The following NDUFS4 variants were observed in gnomAD, a reference collection of about 807,000 sequenced individuals.
NDUFS4 encodes NADH:ubiquinone oxidoreductase subunit S4.
NDUFS4 carries 28 observed loss-of-function variants against 24.3 expected under a neutral mutation model. The observed-to-expected ratio is 1.15, with a 90% CI of 0.85 to 1.58. The LOEUF is 1.58. NDUFS4 is among the 40% of genes most tolerant of loss of function. The pLI, the probability that NDUFS4 is intolerant of heterozygous loss-of-function variation, is 0.00. For synonymous variants in NDUFS4, 93 were observed against 69.7 expected, an observed-to-expected ratio of 1.34 and a Z score of -1.67; for missense variants, 223 against 207.9, an observed-to-expected ratio of 1.07 and a Z score of -0.45.
At chr5:53,620,108 C>A (rs1321853743) in intron 2 of NDUFS4, among the ~76,000 whole-genome samples, 1 of 150,912 alleles carries the variant, frequency 6.6e-6, no homozygotes, top group African/African-American at 2.4e-5. Flanking sequence ...ATCGCAAGAC[C>A]CCATCTCAAA....
At chr5:53,579,931 A>C (rs1288549313) in intron 1 of NDUFS4, among the ~76,000 whole-genome samples, 1 of 152,222 alleles carries the variant, frequency 6.6e-6, no homozygotes, top group Admixed American at 6.5e-5. Flanking sequence ...AGAAGAAACA[A>C]GAAACAAATT....
intron 1 of NDUFS4, among the ~76,000 whole-genome samples, chr5:53,577,470 C>G (rs1199694852): frequency 1.0e-5 from 1 of 97,564 alleles, no homozygotes; most frequent in Non-Finnish European, 2.0e-5. Context: ...TAAAGAGTCT[C>G]TATAGTCTGC....
chr5:53,661,287 G>A (rs1752335623), intron 4 of NDUFS4, among the ~76,000 whole-genome samples: 2 of 152,064 alleles, frequency 1.3e-5, no homozygotes, highest in Non-Finnish European at 2.9e-5. Flanking sequence ...TTTTTGTCAG[G>A]TTTGTCAAAG....
rs924065994 is a variant in NDUFS4, at chr5:53,579,841, A to G, written c.98+19081A>G. ...TTATAAGAAGGATGCAGGTGGAGTC[A>G]GAGAAATAGTGTAGAGTTGGAAGCA... On this transcript the variant is annotated intron_variant, in intron 1 of 4. Coordinates refer to ENST00000296684, the MANE Select transcript of NDUFS4 (RefSeq NM_002495.4). 2.6e-5 allele frequency among the ~76,000 whole-genome samples: 4 copies of G among 152,222 alleles called. No homozygotes were observed. The East Asian group carries it at 7.7e-4, about 29-fold the overall frequency.
At chr5:53,681,579 C>G (rs1423234503) in intron 4 of NDUFS4, among the ~76,000 whole-genome samples, 1 of 152,056 alleles carries the variant, frequency 6.6e-6, no homozygotes, top group Non-Finnish European at 1.5e-5. Context: ...TAAGCTATAG[C>G]TTTGTAACTT....
At chr5:53,643,293 AG>A (rs1329837650) in intron 2 of NDUFS4, among the ~76,000 whole-genome samples, 1 of 152,176 alleles carries the variant, frequency 6.6e-6, no homozygotes, top group Non-Finnish European at 1.5e-5. Context: ...CTTTCTCCAA[AG>A]CATTTCTAGC....
intron 1 of NDUFS4, among the ~76,000 whole-genome samples, chr5:53,591,616 A>G (rs76672205): frequency 0.096 from 14,617 of 152,108 alleles, 1,019 homozygotes; most frequent in Admixed American, 0.2. Flanking sequence ...TGCTGATCCT[A>G]TGTTAAAACT....
chr5:53,605,875 G>T (rs778994218), intron 2 of NDUFS4, among the ~76,000 whole-genome samples: 26 of 152,110 alleles, frequency 1.7e-4, no homozygotes, highest in Non-Finnish European at 3.2e-4. Context: ...TTTGCTGGGC[G>T]TGGCGGTGTG....
rs1375569672 is a variant in NDUFS4, at chr5:53,621,805, C to T, written c.177+18275C>T. 3.4e-5 allele frequency among the ~76,000 whole-genome samples: 5 copies of T among 147,848 alleles called. No homozygotes were observed. In the Admixed American group the frequency reaches 3.5e-4, roughly 10 times the overall value. On this transcript the variant is annotated intron_variant, in intron 2 of 4. Coordinates refer to ENST00000296684, the MANE Select transcript of NDUFS4 (RefSeq NM_002495.4). ...CAAGCTCCGCCTCCCGGGTTCACGCCATTCTCCTGCCTCAGCCTCCCGTGT... is the reference window on the plus strand; with the variant it reads ...CAAGCTCCGCCTCCCGGGTTCACGCTATTCTCCTGCCTCAGCCTCCCGTGT...
At chr5:53,616,874 A>G (rs939630073) in intron 2 of NDUFS4, among the ~76,000 whole-genome samples, 1 of 152,178 alleles carries the variant, frequency 6.6e-6, no homozygotes, top group Non-Finnish European at 1.5e-5. Context: ...TTTTAATTTG[A>G]AGGAACCTAA....
intron 1 of NDUFS4, among the ~76,000 whole-genome samples, chr5:53,599,516 CA>C (rs1460895763): frequency 2.6e-5 from 4 of 152,128 alleles, no homozygotes; most frequent in African/African-American, 9.7e-5. Context: ...TGTTGAGCAT[CA>C]TTTCATGTGC....
chr5:53,564,301 A>G (rs1367984257), intron 1 of NDUFS4, among the ~76,000 whole-genome samples: 2 of 152,158 alleles, frequency 1.3e-5, no homozygotes, highest in East Asian at 1.9e-4. Flanking sequence ...GCTAAGCTCA[A>G]ATTTAGGACA....
intron 4 of NDUFS4, among the ~76,000 whole-genome samples, chr5:53,680,618 TC>T (rs1252115662): frequency 6.6e-6 from 1 of 151,750 alleles, no homozygotes; most frequent in East Asian, 1.9e-4. Flanking sequence ...CACCACATGT[TC>T]TCACTCATAG....
chr5:53,652,597 G>A (rs945433696), intron 3 of NDUFS4, among the ~76,000 whole-genome samples: 1 of 151,978 alleles, frequency 6.6e-6, no homozygotes, highest in Non-Finnish European at 1.5e-5. Flanking sequence ...AGGCCACTTT[G>A]GTTCACATGT....
chr5:53,637,825 G>C (rs1029159950), intron 2 of NDUFS4, among the ~76,000 whole-genome samples: 3 of 152,028 alleles, frequency 2.0e-5, no homozygotes, highest in African/African-American at 7.2e-5. Context: ...GGTATAATCT[G>C]AAAGTTACCA....
chr5:53,671,743 G>A (rs1175412164), intron 4 of NDUFS4, among the ~76,000 whole-genome samples: 1 of 152,156 alleles, frequency 6.6e-6, no homozygotes, highest in African/African-American at 2.4e-5. Context: ...GGAGGTAGAA[G>A]ACAGCTGTGG....
chr5:53,671,070 T>C (rs1740210485), intron 4 of NDUFS4, among the ~76,000 whole-genome samples: 1 of 151,930 alleles, frequency 6.6e-6, no homozygotes, highest in African/African-American at 2.4e-5. Flanking sequence ...GTAGAGATAA[T>C]AGGGAGGGAT....
At chr5:53,580,345 G>A (rs1317177605) in intron 1 of NDUFS4, among the ~76,000 whole-genome samples, 1 of 152,136 alleles carries the variant, frequency 6.6e-6, no homozygotes. Flanking sequence ...CTAAAGAAAC[G>A]GTAGTTTGTT....
chr5:53,669,529 A>G (rs572377338), intron 4 of NDUFS4, among the ~76,000 whole-genome samples: 20 of 152,174 alleles, frequency 1.3e-4, no homozygotes, highest in African/African-American at 4.8e-4. Flanking sequence ...CTACTACTGG[A>G]TGAACTCCTC....
Sources: allele counts gnomAD v4.1 joint callset (sites outside exome capture counted in the v4.1 genomes callset), GRCh38; gene constraint gnomAD v4.1.1; transcripts MANE v1.5; gene names NCBI Gene and HGNC (gene_info 2026-07-23, HGNC 2026-07-21).